The following RALGAPA2 variants were observed in gnomAD, a reference collection of about 807,000 sequenced individuals.
The protein encoded by RALGAPA2 is ral GTPase-activating protein subunit alpha-2.
A neutral mutation model predicts 230.4 loss-of-function variants in RALGAPA2; 139 were observed. That is an observed-to-expected ratio of 0.60 (90% CI 0.53 to 0.69). The LOEUF is 0.69. Ranked by LOEUF, RALGAPA2 falls within the 30% of genes least tolerant of loss-of-function variation. RALGAPA2 has a pLI of 0.00. For synonymous variants in RALGAPA2, 847 were observed against 837.8 expected, an observed-to-expected ratio of 1.01 and a Z score of -0.19; for missense variants, 2,163 against 2,276.0, an observed-to-expected ratio of 0.95 and a Z score of 1.01.
chr20:20,459,697 C>T (rs567612028), intron 37 of RALGAPA2, among the ~76,000 whole-genome samples: 10 of 152,114 alleles, frequency 6.6e-5, no homozygotes, highest in African/African-American at 2.4e-4. Flanking sequence ...TTATAATCAG[C>T]GTATGAATAT....
intron 37 of RALGAPA2, among the ~76,000 whole-genome samples, chr20:20,430,689 C>G (rs1003392400): frequency 2.6e-5 from 4 of 152,180 alleles, no homozygotes; most frequent in African/African-American, 9.7e-5. Flanking sequence ...TATTTCTCTA[C>G]TGCCTTTACC....
At chr20:20,529,899 G>A (rs56201243) in intron 27 of RALGAPA2, among the ~76,000 whole-genome samples, 147 of 152,294 alleles carry the variant, frequency 9.7e-4, no homozygotes, top group Non-Finnish European at 1.6e-3. Context: ...CATGGAAGGA[G>A]TAGAGATGGG....
intron 15 of RALGAPA2, among the ~76,000 whole-genome samples, chr20:20,602,492 T>C (rs2065686083): frequency 6.6e-6 from 1 of 152,258 alleles, no homozygotes; most frequent in South Asian, 2.1e-4. Flanking sequence ...GGAAAGAGAA[T>C]GGCAGACTTA....
intron 16 of RALGAPA2, among the ~76,000 whole-genome samples, chr20:20,596,049 CA>C (rs1482678479): frequency 6.6e-6 from 1 of 151,962 alleles, no homozygotes; most frequent in African/African-American, 2.4e-5. Context: ...AAAAGAAAAT[CA>C]CAAAAAGTGC....
intron 35 of RALGAPA2, among the ~76,000 whole-genome samples, chr20:20,497,045 C>T (rs911310818): frequency 3.9e-5 from 6 of 152,140 alleles, no homozygotes; most frequent in Middle Eastern, 3.2e-3. Context: ...CAAAATTACC[C>T]AGTACATCAT....
rs2063568226 is a variant in RALGAPA2 at position 20,538,920 on chromosome 20, T to G, written c.3286-2136A>C. Reference sequence around the variant, plus strand: ...CCTGCAAAGTAACCGTATTCTGCTGTAACACCACAGATTGGTTTTGTCTGG... The same window carrying G: ...CCTGCAAAGTAACCGTATTCTGCTGGAACACCACAGATTGGTTTTGTCTGG... On this transcript the variant is annotated intron_variant, in intron 24 of 39. Transcript: ENST00000202677. 1.3e-5 allele frequency among the ~76,000 whole-genome samples: 2 copies of G among 152,318 alleles called. 1 individual carries two copies.
At chr20:20,400,043 T>C (rs2059799661) in intron 38 of RALGAPA2, among the ~76,000 whole-genome samples, 1 of 152,140 alleles carries the variant, frequency 6.6e-6, no homozygotes, top group South Asian at 2.1e-4. Flanking sequence ...AAGTGCTAAA[T>C]ATCCTACCAG....
At chr20:20,639,088 A>G (rs890836064) in intron 7 of RALGAPA2, among the ~76,000 whole-genome samples, 2 of 152,220 alleles carry the variant, frequency 1.3e-5, no homozygotes, top group African/African-American at 2.4e-5. Context: ...GGGGCTTGCC[A>G]CTTTAGCAGT....
At chr20:20,471,521 T>C (rs2061541085) in intron 37 of RALGAPA2, 1 of 151,436 alleles carries the variant, frequency 6.6e-6, no homozygotes, top group South Asian at 2.1e-4. Flanking sequence ...CGCTGAATAG[T>C]TCTTTCTCAT....
chr20:20,591,445 G>T, intron 16 of RALGAPA2, 131 bp from the exon 17 acceptor site: 1 of 1,101,592 alleles, frequency 9.1e-7, no homozygotes, highest in Non-Finnish European at 1.3e-6. Context: ...CAGATAATCT[G>T]CATTTAAATG....
intron 4 of RALGAPA2, among the ~76,000 whole-genome samples, chr20:20,649,886 T>C (rs770837565): frequency 3.9e-5 from 6 of 152,196 alleles, no homozygotes; most frequent in African/African-American, 1.2e-4. Context: ...GTTCTAATTA[T>C]TGCCCAGAAA....
At chr20:20,394,862 G>A (rs1156369160) in intron 39 of RALGAPA2, among the ~76,000 whole-genome samples, 1 of 108,762 alleles carries the variant, frequency 9.2e-6, no homozygotes, top group Non-Finnish European at 1.7e-5. Context: ...GCCCACTATG[G>A]TAATCAGATT....
At chr20:20,507,885 G>A (rs2062580747) in intron 33 of RALGAPA2, among the ~76,000 whole-genome samples, 1 of 152,202 alleles carries the variant, frequency 6.6e-6, no homozygotes, top group Non-Finnish European at 1.5e-5. Context: ...AAGTGGAGAA[G>A]TATAGTTATT....
chr20:20,532,868 G>A (rs2063402372), intron 26 of RALGAPA2, among the ~76,000 whole-genome samples: 2 of 152,080 alleles, frequency 1.3e-5, no homozygotes, highest in South Asian at 2.1e-4. Flanking sequence ...CAAAATTAGG[G>A]AATTATGTTC....
chr20:20,462,236 A>G (rs561576542), intron 37 of RALGAPA2, among the ~76,000 whole-genome samples: 1 of 152,370 alleles, frequency 6.6e-6, no homozygotes, highest in East Asian at 1.9e-4. Flanking sequence ...AGGAATAATG[A>G]GAAATCACCC....
chr20:20,437,585 C>T lies in RALGAPA2; in HGVS notation c.5496-25437G>A, dbSNP rs778578752. 6.6e-6 allele frequency among the ~76,000 whole-genome samples: 1 copy of T among 152,214 alleles called. No homozygotes were observed. Among genetic ancestry groups the T allele is most frequent in the Non-Finnish European group, 1.5e-5 (1 of 68,036 alleles). On this transcript the variant is annotated intron_variant, in intron 37 of 39. Coordinates refer to ENST00000202677, the MANE Select transcript of RALGAPA2 (RefSeq NM_020343.4). This position sits in a 1 kb window ranked among gnomAD's most constrained non-coding sequence, Gnocchi z 4.1. ...TCTGTGGTGTGGAGCCCTTCCCACA[C>T]TTCACACACACGATGTGTGTGTGCT...
chr20:20,550,964 C>T (rs996513482), intron 23 of RALGAPA2, among the ~76,000 whole-genome samples: 2 of 152,188 alleles, frequency 1.3e-5, no homozygotes, highest in Non-Finnish European at 2.9e-5. Context: ...TAGTTTAAGA[C>T]ATTTCAAAGG....
chr20:20,526,041 A>C (rs1486360389), intron 28 of RALGAPA2, among the ~76,000 whole-genome samples: 1 of 152,172 alleles, frequency 6.6e-6, no homozygotes, highest in Non-Finnish European at 1.5e-5. Flanking sequence ...CCCCAAGTAT[A>C]AGCCTCTGTC....
chr20:20,712,357 GCCCGGCGCGCGC>G lies in RALGAPA2; in HGVS notation c.106+6_106+17del. On this transcript the variant is annotated splice_donor_region_variant and intron_variant, in intron 1 of 39. Transcript: ENST00000202677. The surrounding 1 kb of genome is among the most constrained non-coding windows in gnomAD (Gnocchi z 5.5). ...CCTAACCCGGCGCCCCGACCCCCGC[GCCCGGCGCGCGC>G]CTCACCCAGCAGCGCCCGCAGGTGC... is the stretch of plus-strand genomic sequence containing the variant. The G allele has an allele frequency of 6.6e-7, 1 of 1,524,772 alleles. No homozygotes were observed. The highest frequency in any genetic ancestry group is 8.8e-7 in the Non-Finnish European group (1 of 1,131,560). 94.5% of individuals were successfully genotyped at this position (1,524,772 alleles called of 1,614,324 possible).
Sources: allele counts gnomAD v4.1 joint callset (sites outside exome capture counted in the v4.1 genomes callset), GRCh38; gene constraint gnomAD v4.1.1; non-coding constraint Gnocchi (gnomAD v3.1); transcripts MANE v1.5; gene names NCBI Gene and HGNC (gene_info 2026-07-23, HGNC 2026-07-21).